The following CTNNA2 variants were observed in gnomAD, a reference collection of about 807,000 sequenced individuals.
CTNNA2 encodes catenin alpha-2.
In CTNNA2, 42 loss-of-function variants were observed where a neutral mutation model predicts 101.0. That is an observed-to-expected ratio of 0.42 (90% confidence interval 0.32 to 0.54). The LOEUF is 0.54. Among genes scored for constraint, CTNNA2 ranks in the 20% least tolerant of loss-of-function variants. CTNNA2 has a pLI of 0.14. For synonymous variants in CTNNA2, 450 were observed against 456.4 expected (o/e 0.99, Z 0.18); for missense variants, 871 against 1,223.1 (o/e 0.71, Z 4.29).
intron 2 of CTNNA2, among the ~76,000 whole-genome samples, chr2:79,665,357 G>T (rs971247012): frequency 6.6e-6 from 1 of 152,144 alleles, no homozygotes; most frequent in African/African-American, 2.4e-5. Flanking sequence ...GCATGTTTTA[G>T]TATGCATGCA....
chr2:79,501,795 A>G (rs112220308), intron 4 of CTNNA2, among the ~76,000 whole-genome samples: 2,642 of 152,290 alleles, frequency 0.017, 33 homozygotes, highest in Middle Eastern at 0.048. Context: ...AACTAAAAGC[A>G]CATGATCTTG....
In CTNNA2 at chr2:80,599,269, G is replaced by A. The variant is rs576718543; in HGVS notation, c.2190-4805G>A. Among the ~76,000 whole-genome samples the A allele has an allele frequency of 2.0e-5, 3 of 152,250 alleles. No individual in the cohort carries two copies. In the South Asian group the frequency reaches 6.2e-4, roughly 32 times the overall value. ...TAGTGACTCCATATTGGATAGTGCA[G>A]AATTATAGAATGAACATCATTACAG... On this transcript the variant is annotated intron_variant, in intron 15 of 18. Transcript: ENST00000402739.
At chr2:80,643,299 T>G (rs1049833629) in intron 18 of CTNNA2, among the ~76,000 whole-genome samples, 5 of 152,120 alleles carry the variant, frequency 3.3e-5, no homozygotes, top group African/African-American at 4.8e-5. Context: ...GGTTTACATC[T>G]TGGCTTCACC....
At chr2:80,570,338 C>T (rs535259602) in intron 12 of CTNNA2, among the ~76,000 whole-genome samples, 48 of 152,314 alleles carry the variant, frequency 3.2e-4, no homozygotes, top group Admixed American at 5.9e-4. Flanking sequence ...TGTGAGCCAC[C>T]GTGCCCAGCC....
chr2:79,714,384 G>T (rs1685936970), intron 2 of CTNNA2, among the ~76,000 whole-genome samples: 1 of 151,032 alleles, frequency 6.6e-6, no homozygotes, highest in Non-Finnish European at 1.5e-5. Flanking sequence ...CTGGAGAATT[G>T]CAGTCATGCT....
chr2:80,552,847 T>G (rs1692695497), intron 11 of CTNNA2, among the ~76,000 whole-genome samples: 1 of 152,176 alleles, frequency 6.6e-6, no homozygotes, highest in Admixed American at 6.6e-5. Flanking sequence ...TACCTTTAAG[T>G]ATGTGGTCTG....
intron 4 of CTNNA2, among the ~76,000 whole-genome samples, chr2:79,376,461 TG>T (rs1677976777): frequency 6.6e-6 from 1 of 151,466 alleles, no homozygotes; most frequent in African/African-American, 2.4e-5. Context: ...GTTTTGTTTT[TG>T]TTTTTGTTTT....
At chr2:80,636,987 A>C (rs1034399166) in intron 18 of CTNNA2, among the ~76,000 whole-genome samples, 1 of 152,170 alleles carries the variant, frequency 6.6e-6, no homozygotes, top group African/African-American at 2.4e-5. Flanking sequence ...GAACTTCTCC[A>C]TTCCTTATCC....
At chr2:80,224,059 T>C (rs1965833) in intron 7 of CTNNA2, among the ~76,000 whole-genome samples, 39,131 of 152,118 alleles carry the variant, frequency 0.26, 7,301 homozygotes, top group African/African-American at 0.52. Flanking sequence ...CAGCCTTAGC[T>C]GCTCACTTCC....
In CTNNA2 at chr2:79,777,760, C is replaced by T. The variant is rs554937765; in HGVS notation, c.298+33178C>T. Among the ~76,000 whole-genome samples the T allele has an allele frequency of 2.0e-5, 3 of 152,148 alleles. No homozygotes were observed. The South Asian group carries it at 6.2e-4, about 32-fold the overall frequency. Reference sequence around the variant, plus strand: ...CATTTAGAGGAAAAATATATTATGTCCCAATTTCTAACCTATACTATTTCT... The same window carrying T: ...CATTTAGAGGAAAAATATATTATGTTCCAATTTCTAACCTATACTATTTCT... On this transcript the variant is annotated intron_variant, in intron 3 of 18. Coordinates refer to ENST00000402739, the MANE Select transcript of CTNNA2 (RefSeq NM_001282597.3).
chr2:79,487,608 AG>A (rs1177576044), intron 4 of CTNNA2, among the ~76,000 whole-genome samples: 1 of 152,174 alleles, frequency 6.6e-6, no homozygotes, highest in Admixed American at 6.5e-5. Context: ...GCTGCAGCTG[AG>A]CTCTCAGCAT....
At chr2:79,261,310 T>C (rs1674918350) in intron 2 of CTNNA2, among the ~76,000 whole-genome samples, 1 of 152,090 alleles carries the variant, frequency 6.6e-6, no homozygotes, top group South Asian at 2.1e-4. Context: ...CGTTGCACAA[T>C]AAAAATATGA....
At position 79,824,212 on chromosome 2, in the gene CTNNA2, T is replaced by A. The variant is rs533791733; in HGVS notation, c.299-33801T>A. The stretch of plus-strand genomic sequence containing the variant: ...GTTTTGATGGTGATAAAAGTTGTTT[T>A]CACAACGTGCTGCTGCCAGATACAG... On this transcript the variant is annotated intron_variant, in intron 3 of 18. Transcript: ENST00000402739. Among the ~76,000 whole-genome samples the A allele has an allele frequency of 1.8e-4, 27 of 152,302 alleles. No homozygotes were observed. In the South Asian group the frequency reaches 5.6e-3, roughly 32 times the overall value.
chr2:80,316,341 T>G (rs1488659460), intron 7 of CTNNA2, among the ~76,000 whole-genome samples: 1 of 152,206 alleles, frequency 6.6e-6, no homozygotes, highest in African/African-American at 2.4e-5. Context: ...AGAGCAATTT[T>G]TAAAGAAGTA....
intron 1 of CTNNA2, among the ~76,000 whole-genome samples, chr2:79,617,458 A>G (rs1366394985): frequency 1.3e-5 from 2 of 152,144 alleles, no homozygotes; most frequent in Admixed American, 1.3e-4. Flanking sequence ...GTTTCACCAT[A>G]TCTTCTTTTC....
intron 1 of CTNNA2, among the ~76,000 whole-genome samples, chr2:79,557,053 A>G (rs1012649564): frequency 1.3e-5 from 2 of 151,954 alleles, no homozygotes; most frequent in African/African-American, 4.8e-5. Context: ...ATTCACTGTC[A>G]GGGAACTTTT....
chr2:79,892,492 G>A (rs576602303), intron 6 of CTNNA2, among the ~76,000 whole-genome samples: 11 of 151,842 alleles, frequency 7.2e-5, no homozygotes, highest in Non-Finnish European at 1.2e-4. Flanking sequence ...TTTCTTTTCC[G>A]TATTTTATGA....
At chr2:79,343,342 G>A (rs2104430835) in intron 3 of CTNNA2, among the ~76,000 whole-genome samples, 1 of 152,236 alleles carries the variant, frequency 6.6e-6, no homozygotes, top group South Asian at 2.1e-4. Flanking sequence ...TGTGGAAAGA[G>A]ATGTTTAATT....
In CTNNA2 at chr2:80,553,613, G is replaced by A. The variant is rs969527016; in HGVS notation, c.1541-2080G>A. 1.2e-4 allele frequency among the ~76,000 whole-genome samples: 19 copies of A among 152,014 alleles called. 1 individual carries two copies. Among genetic ancestry groups the A allele is most frequent in the Admixed American group, 8.5e-4 (13 of 15,266 alleles). On this transcript the variant is annotated intron_variant, in intron 11 of 18. Coordinates refer to ENST00000402739, the MANE Select transcript of CTNNA2 (RefSeq NM_001282597.3). ...ATTTTTTTCTCAACTCCAAAGTACC[G>A]TTTCTAAACTCTGCACTGAAACTTT...
Sources: allele counts gnomAD v4.1 joint callset (sites outside exome capture counted in the v4.1 genomes callset), GRCh38; gene constraint gnomAD v4.1.1; transcripts MANE v1.5; gene names NCBI Gene and HGNC (gene_info 2026-07-23, HGNC 2026-07-21).